TUBGCP3: variants seen among roughly 807,000 people sequenced by gnomAD.
TUBGCP3 encodes gamma-tubulin complex component 3.
Under a neutral mutation model 123.1 loss-of-function variants are expected in TUBGCP3, and 50 were observed. That is an observed-to-expected ratio of 0.41 (90% CI 0.32 to 0.51). The LOEUF (loss-of-function observed/expected upper bound fraction) is 0.51. TUBGCP3 is among the 20% of genes least tolerant of loss of function. The probability of loss-of-function intolerance (pLI) is 0.36; values close to 1 mark genes in which losing one functional copy is unlikely to be tolerated. For missense variants in TUBGCP3, 882 were observed against 1,127.0 expected (o/e 0.78, Z 3.11); for synonymous variants, 405 against 413.9 (o/e 0.98, Z 0.26).
intron 19 of TUBGCP3, among the ~76,000 whole-genome samples, chr13:112,502,066 G>C (rs1291342972): frequency 1.3e-5 from 2 of 152,168 alleles, no homozygotes; most frequent in Non-Finnish European, 2.9e-5. Flanking sequence ...TTTCTGAAAT[G>C]CATGAAATCT....
At chr13:112,537,615 A>G (rs987867418) in intron 11 of TUBGCP3, among the ~76,000 whole-genome samples, 1 of 152,140 alleles carries the variant, frequency 6.6e-6, no homozygotes, top group South Asian at 2.1e-4. Flanking sequence ...TGTGTGTTGT[A>G]TCATGTTGAC....
Position 112,547,693 on chromosome 13 carries a change from C to T in TUBGCP3, c.1095G>A (p.Arg365=), listed in dbSNP as rs748573505. The change falls in exon 10 of 22, where the codon CGG becomes CGA. Residue 365 remains arginine (R), a synonymous_variant. Coordinates refer to ENST00000261965, the MANE Select transcript of TUBGCP3 (RefSeq NM_006322.6). ...GATCATAGGTCCAAACCAGGAGGCGCCGAAGTGTTAAACTACTCTCAAGTC... is the reference window on the plus strand; with the variant it reads ...GATCATAGGTCCAAACCAGGAGGCGTCGAAGTGTTAAACTACTCTCAAGTC... The part of the protein sequence containing the change: ...NLGLESSLTL[R]RLLVWTYDPK... The T allele has an allele frequency of 6.6e-5, 104 of 1,579,188 alleles. No homozygotes were observed. The Middle Eastern group carries it at 1.2e-3, about 18-fold the overall frequency.
intron 14 of TUBGCP3, among the ~76,000 whole-genome samples, chr13:112,521,047 C>G (rs1403383875): frequency 6.6e-6 from 1 of 152,216 alleles, no homozygotes; most frequent in Non-Finnish European, 1.5e-5. Flanking sequence ...TCAGCCGGCT[C>G]TATGATGTGA....
intron 13 of TUBGCP3, among the ~76,000 whole-genome samples, chr13:112,525,680 T>G (rs1876994519): frequency 6.6e-6 from 1 of 152,226 alleles, no homozygotes; most frequent in African/African-American, 2.4e-5. Flanking sequence ...AGGGAAAGCC[T>G]CAGCACTTCC....
chr13:112,576,052 C>T lies in TUBGCP3; in HGVS notation c.77-6793G>A, dbSNP rs1881783456. On this transcript the variant is annotated intron_variant, in intron 1 of 21. Transcript: ENST00000261965. ...CAGTCATAGGAAAATTACGTACGTG[C>T]CTTTCATTACTTAAATTAAACCTTA... 3.3e-5 allele frequency among the ~76,000 whole-genome samples: 5 copies of T among 152,300 alleles called. No individual in the cohort carries two copies. The South Asian group carries it at 1.0e-3, about 32-fold the overall frequency.
chr13:112,518,637 C>T (rs1304583599), intron 16 of TUBGCP3, among the ~76,000 whole-genome samples: 1 of 152,200 alleles, frequency 6.6e-6, no homozygotes, highest in Non-Finnish European at 1.5e-5. Context: ...CCCTAAAATA[C>T]ACTTTATAGT....
At chr13:112,513,040 C>A (rs1048928534) in intron 17 of TUBGCP3, among the ~76,000 whole-genome samples, 2 of 151,948 alleles carry the variant, frequency 1.3e-5, no homozygotes, top group Non-Finnish European at 2.9e-5. Flanking sequence ...TAATAAAGAC[C>A]AAAAGCAAAT....
chr13:112,556,026 C>T, intron 6 of TUBGCP3, 26 bp downstream of exon 6: 1 of 1,581,802 alleles, frequency 6.3e-7, no homozygotes, highest in Admixed American at 1.7e-5. Context: ...CACAGAAAAG[C>T]TGTATTAACA....
chr13:112,521,324 T>C (rs1876605318), intron 14 of TUBGCP3, among the ~76,000 whole-genome samples: 1 of 152,234 alleles, frequency 6.6e-6, no homozygotes, highest in African/African-American at 2.4e-5. Context: ...TATGGCTGTG[T>C]ACGCCTCAAA....
chr13:112,514,968 T>C (rs559975140), intron 17 of TUBGCP3, among the ~76,000 whole-genome samples: 1 of 152,164 alleles, frequency 6.6e-6, no homozygotes, highest in East Asian at 1.9e-4. Flanking sequence ...TCAGAAAAAG[T>C]TTCAATAGCG....
At chr13:112,573,772 G>A (rs1173500474) in intron 1 of TUBGCP3, among the ~76,000 whole-genome samples, 1 of 152,222 alleles carries the variant, frequency 6.6e-6, no homozygotes, top group Non-Finnish European at 1.5e-5. Context: ...GACTCTAGAA[G>A]TCAAGTTACC....
chr13:112,549,109 G>A (rs372457420), intron 8 of TUBGCP3, among the ~76,000 whole-genome samples: 2 of 152,272 alleles, frequency 1.3e-5, no homozygotes, highest in African/African-American at 4.8e-5. Context: ...TGATAGACTG[G>A]ATTAAGAAAA....
At chr13:112,530,779 A>G (rs1400270817) in intron 11 of TUBGCP3, among the ~76,000 whole-genome samples, 1 of 152,218 alleles carries the variant, frequency 6.6e-6, no homozygotes, top group Non-Finnish European at 1.5e-5. Flanking sequence ...CAAGTTGACA[A>G]TATACTACGC....
At chr13:112,487,488 C>G (rs970532770) in intron 21 of TUBGCP3, among the ~76,000 whole-genome samples, 2 of 152,174 alleles carry the variant, frequency 1.3e-5, no homozygotes, top group African/African-American at 4.8e-5. Context: ...ACAAGAACAT[C>G]GTTGTCTCAG....
rs1403198184 is a variant in TUBGCP3 at position 112,516,593 on chromosome 13, G to C, written c.1951-18C>G. On this transcript the variant is annotated intron_variant, in intron 16 of 21. Transcript: ENST00000261965. ...GTAAACACCTGGGATAACAGCAGAA[G>C]ACAAGTTGATAGTATTCCCACGTAA... is the stretch of plus-strand genomic sequence containing the variant. 2 of 1,610,452 alleles carry C rather than the reference G, an allele frequency of 1.2e-6. No individual in the cohort carries two copies. The highest frequency in any genetic ancestry group is 2.7e-5 in the African/African-American group (2 of 74,940).
chr13:112,499,589 AT>A (rs551166210), intron 19 of TUBGCP3, among the ~76,000 whole-genome samples: 1,591 of 147,822 alleles, frequency 0.011, 18 homozygotes, highest in African/African-American at 0.034. Context: ...AAGCATCTCC[AT>A]TTTTTTTTTT....
chr13:112,497,646 A>T (rs1248221654), intron 20 of TUBGCP3, among the ~76,000 whole-genome samples: 1 of 152,234 alleles, frequency 6.6e-6, no homozygotes. Flanking sequence ...AACATCGCTG[A>T]GTGCCTTACA....
At chr13:112,547,989 A>C (rs1879210841) in intron 9 of TUBGCP3, 119 bp downstream of exon 9, 12 of 901,894 alleles carry the variant, frequency 1.3e-5, no homozygotes, top group Non-Finnish European at 1.7e-5. Context: ...AAATAATATT[A>C]TGAAAAATAT....
Position 112,569,253 on chromosome 13 carries a change from A to T in TUBGCP3, c.83T>A (p.Val28Glu). Residue 28 changes from valine to glutamate, a missense_variant, in exon 2 of 22, where the codon GTA (valine) becomes GAA (glutamate). Physicochemically the swap from Val to Glu is moderately radical, Grantham distance 121. This residue lies in a region of TUBGCP3 where 713 missense variants were observed against 874.0 expected (regional missense o/e 0.82). Coordinates refer to ENST00000261965, the MANE Select transcript of TUBGCP3 (RefSeq NM_006322.6). ...CACAGCATACTGGAACTGCTGGGCT[A>T]CATCAGCTGAAAGACAAACAAAAGG... ...CRILGRSEAD[V>E]AQQFQYAVRV... is the part of the protein sequence containing the mutation. The T allele has an allele frequency of 6.2e-7, 1 of 1,614,118 alleles. No homozygotes were observed. The highest frequency in any genetic ancestry group is 8.5e-7 in the Non-Finnish European group (1 of 1,180,002).
Sources: gnomAD v4.1 joint callset for allele counts (sites outside exome capture counted in the v4.1 genomes callset) on GRCh38, gnomAD v4.1.1 for gene constraint, gnomAD v4.1.1 regional missense constraint, MANE v1.5 for transcripts, NCBI Gene and HGNC (gene_info 2026-07-23, HGNC 2026-07-21) for gene names.